CA5A: variants seen among roughly 807,000 people sequenced by gnomAD.
The protein encoded by CA5A is carbonic anhydrase 5A, mitochondrial.
Under a neutral mutation model 37.1 loss-of-function variants are expected in CA5A, and 28 were observed. The ratio of observed to expected loss-of-function variants is 0.75; its 90% CI spans 0.56 to 1.03. The LOEUF is 1.03. CA5A is among the 50% of genes least tolerant of loss of function. The pLI, the probability that CA5A is intolerant of heterozygous loss-of-function variation, is 0.00. For missense variants in CA5A, 444 were observed against 399.9 expected, an observed-to-expected ratio of 1.11 and a Z score of -0.94; for synonymous variants, 171 against 158.4, an observed-to-expected ratio of 1.08 and a Z score of -0.60.
At chr16:87,894,512 C>G (rs2055772592) in intron 5 of CA5A, among the ~76,000 whole-genome samples, 2 of 151,838 alleles carry the variant, frequency 1.3e-5, no homozygotes, top group African/African-American at 4.8e-5. Flanking sequence ...AGTGTCCACA[C>G]TGGCAGACAC....
chr16:87,904,585 G>C (rs575823987), intron 3 of CA5A, among the ~76,000 whole-genome samples: 5 of 152,304 alleles, frequency 3.3e-5, no homozygotes, highest in South Asian at 2.1e-4. Flanking sequence ...TTAAATGAGA[G>C]AGAACTTACA....
At chr16:87,927,937 T>C (rs2056335949) in intron 1 of CA5A, among the ~76,000 whole-genome samples, 1 of 152,066 alleles carries the variant, frequency 6.6e-6, no homozygotes, top group Non-Finnish European at 1.5e-5. Context: ...GGTGTGTGTC[T>C]GCCCCACCTG....
intron 5 of CA5A, among the ~76,000 whole-genome samples, chr16:87,900,676 G>A (rs368359194): frequency 7.9e-5 from 12 of 152,346 alleles, no homozygotes; most frequent in African/African-American, 2.9e-4. Flanking sequence ...TTCGAGCTGC[G>A]CTGGATACAG....
intron 1 of CA5A, among the ~76,000 whole-genome samples, chr16:87,935,052 C>A (rs1005325949): frequency 1.1e-4 from 17 of 152,194 alleles, no homozygotes; most frequent in Non-Finnish European, 2.4e-4. Context: ...GTCTGGCCAC[C>A]CCCATCTCGA....
chr16:87,922,895 C>T (rs2056250139), intron 2 of CA5A, among the ~76,000 whole-genome samples: 1 of 152,250 alleles, frequency 6.6e-6, no homozygotes, highest in South Asian at 2.1e-4. Context: ...TGGCCTCTGG[C>T]CGAGGAGTTC....
At chr16:87,927,368 C>T (rs2056327252) in intron 1 of CA5A, among the ~76,000 whole-genome samples, 1 of 152,122 alleles carries the variant, frequency 6.6e-6, no homozygotes, top group African/African-American at 2.4e-5. Context: ...CTTCCCTTCC[C>T]ACTCCCAGGT....
At chr16:87,912,147 CA>C (rs2056060667) in intron 2 of CA5A, among the ~76,000 whole-genome samples, 1 of 152,044 alleles carries the variant, frequency 6.6e-6, no homozygotes, top group Non-Finnish European at 1.5e-5. Flanking sequence ...ACTAAAAATA[CA>C]AAAATTAGCT....
intron 1 of CA5A, among the ~76,000 whole-genome samples, chr16:87,934,780 C>T (rs1185960524): frequency 1.3e-5 from 2 of 152,052 alleles, no homozygotes; most frequent in African/African-American, 4.8e-5. Flanking sequence ...GCCAACATGG[C>T]GAAATCCTAT....
chr16:87,888,506 G>C (rs942344396), intron 6 of CA5A, among the ~76,000 whole-genome samples: 16 of 152,160 alleles, frequency 1.1e-4, no homozygotes, highest in Non-Finnish European at 1.9e-4. Flanking sequence ...GCCATATTGG[G>C]AGGGTACTCA....
At chr16:87,910,687 C>T (rs1194900331) in intron 2 of CA5A, among the ~76,000 whole-genome samples, 2 of 152,128 alleles carry the variant, frequency 1.3e-5, no homozygotes, top group Non-Finnish European at 2.9e-5. Context: ...CAGTGATTCT[C>T]CTGCCTCAGC....
chr16:87,919,214 A>G (rs918514225), intron 2 of CA5A, among the ~76,000 whole-genome samples: 1 of 152,196 alleles, frequency 6.6e-6, no homozygotes, highest in African/African-American at 2.4e-5. Context: ...CAACCGAGTC[A>G]GGGAGGGGCC....
chr16:87,936,223 A>G (rs1342416323), intron 1 of CA5A, 86 bp downstream of exon 1: 1 of 841,220 alleles, frequency 1.2e-6, no homozygotes, highest in Admixed American at 2.2e-5. Flanking sequence ...CTGGCTCGGG[A>G]CGGTCTCTCC....
intron 5 of CA5A, among the ~76,000 whole-genome samples, chr16:87,899,034 C>G (rs1221261961): frequency 6.6e-6 from 1 of 152,094 alleles, no homozygotes; most frequent in Non-Finnish European, 1.5e-5. Context: ...CATACCTGGG[C>G]TACTGTGGAT....
chr16:87,888,173 C>A lies in CA5A; in HGVS notation c.874G>T (p.Val292Phe). The stretch of plus-strand genomic sequence containing the variant: ...TTAGTGGCCTGGAAGGACGCCCAGA[C>A]CTTCCGGTTCATCAAGGGTTGAAGT... ...RPLQPLMNRK[V>F]WASFQATNEG... Residue 292 changes from valine (V) to phenylalanine (F), a missense_variant, in exon 7 of 7, where the codon GTC becomes TTC. Physicochemically the swap from Val to Phe is conservative, Grantham distance 50. Transcript: ENST00000649794. 6.2e-7 allele frequency: 1 copy of A among 1,613,952 alleles called. No individual in the cohort carries two copies. The highest frequency in any genetic ancestry group is 1.3e-5 in the African/African-American group (1 of 75,042).
intron 5 of CA5A, among the ~76,000 whole-genome samples, chr16:87,898,329 G>A (rs1013374054): frequency 6.6e-6 from 1 of 152,226 alleles, no homozygotes; most frequent in African/African-American, 2.4e-5. Flanking sequence ...TGGCAGAGCT[G>A]GGATTTGAAG....
chr16:87,929,739 G>A (rs1002315327), intron 1 of CA5A, among the ~76,000 whole-genome samples: 1 of 151,806 alleles, frequency 6.6e-6, no homozygotes, highest in Non-Finnish European at 1.5e-5. Flanking sequence ...GGGCGTGGTG[G>A]CGGGCGCCTG....
In CA5A at chr16:87,888,289, C is replaced by A; in HGVS notation, c.775-17G>T. 1.2e-6 allele frequency: 2 copies of A among 1,605,756 alleles called. No homozygotes were observed. The highest frequency in any genetic ancestry group is 8.5e-7 in the Non-Finnish European group (1 of 1,174,396). ...TGCAGAGAGCTGGAATAGAGGGCAG[C>A]CAGGGTGAGCTTGGTATGAGTGCAG... On this transcript the variant is annotated splice_polypyrimidine_tract_variant and intron_variant, in intron 6 of 6. Transcript: ENST00000649794.
In CA5A at chr16:87,926,570, G is replaced by A. The variant is rs117766764; in HGVS notation, c.340+178C>T. On this transcript the variant is annotated intron_variant, in intron 2 of 6. Coordinates refer to ENST00000649794, the MANE Select transcript of CA5A (RefSeq NM_001739.2). ...GTGAGCACCAGGCTCCTGTCCCCTC[G>A]AGAACCTTCACACCATCCCCCAGGT... is the stretch of plus-strand genomic sequence containing the variant. 5.8e-3 allele frequency among the ~76,000 whole-genome samples: 883 copies of A among 152,310 alleles called. 7 individuals carry two copies. The highest frequency in any genetic ancestry group is 0.01 in the Middle Eastern group (3 of 294).
Position 87,904,307 on chromosome 16 carries a change from A to T in CA5A, c.459+479T>A, listed in dbSNP as rs2055925285. Among the ~76,000 whole-genome samples, 6 of 151,618 alleles carry T rather than the reference A, an allele frequency of 4.0e-5. No homozygotes were observed. The South Asian group carries it at 1.2e-3, about 31-fold the overall frequency. ...TGGTGAGCCAAGATTGCACCAATGC[A>T]CTCCAGTCTGGGTGACAGAGTGAAC... On this transcript the variant is annotated intron_variant, in intron 3 of 6. Transcript: ENST00000649794.
Sources: gnomAD v4.1 joint callset for allele counts (sites outside exome capture counted in the v4.1 genomes callset) on GRCh38, gnomAD v4.1.1 for gene constraint, MANE v1.5 for transcripts, NCBI Gene and HGNC (gene_info 2026-07-23, HGNC 2026-07-21) for gene names.